Variants in SQLE observed in about 807,000 individuals in gnomAD.
SQLE encodes the protein squalene monooxygenase.
In SQLE, 29 loss-of-function variants were observed where a neutral mutation model predicts 60.7. The observed-to-expected ratio is 0.48, with a 90% CI of 0.36 to 0.65. The LOEUF (loss-of-function observed/expected upper bound fraction) is 0.65, where lower values mean the gene tolerates loss of function less well. Ranked by LOEUF, SQLE falls within the 30% of genes least tolerant of loss-of-function variation. The pLI, the probability that SQLE is intolerant of heterozygous loss-of-function variation, is 0.00. For synonymous variants in SQLE, 237 were observed against 246.8 expected (o/e 0.96, Z 0.37); for missense variants, 605 against 684.1 (o/e 0.88, Z 1.29).
At chr8:125,019,012 A>T (rs1476241918) in intron 9 of SQLE, 6 of 287,744 alleles carry the variant, frequency 2.1e-5, no homozygotes, top group Non-Finnish European at 3.8e-5. Context: ...GTCCTCACAC[A>T]CACAAGACTG....
rs1190686850 is a variant in SQLE at position 124,999,433 on chromosome 8, C to A, written c.30C>A (p.Phe10Leu). The A allele has an allele frequency of 7.2e-6, 11 of 1,524,490 alleles. No homozygotes were observed. The highest frequency in any genetic ancestry group is 9.7e-6 in the Non-Finnish European group (11 of 1,135,324). 94.4% of individuals were successfully genotyped at this position (1,524,490 alleles called of 1,614,324 possible). A position where few individuals can be genotyped will look rare whatever the true frequency, so the allele number is the denominator to read the frequency against. MWTFLGIATFTYFYKKFGDF... is the reference protein window; with the variant it reads MWTFLGIATLTYFYKKFGDF... The stretch of plus-strand genomic sequence containing the variant: ...GGACTTTTCTGGGCATTGCCACTTT[C>A]ACCTATTTTTATAAGAAGTTCGGGG... Residue 10 changes from phenylalanine (F) to leucine (L), a missense_variant, in exon 1 of 11, where the codon TTC becomes TTA. Coordinates refer to ENST00000265896, the MANE Select transcript of SQLE (RefSeq NM_003129.4).
chr8:125,018,518 A>G (rs1005112789), intron 8 of SQLE, 113 bp from the exon 9 acceptor site: 10 of 713,314 alleles, frequency 1.4e-5, no homozygotes, highest in Admixed American at 3.4e-5. Context: ...ACATAAGGCA[A>G]TATTACTTGC....
rs1230464314 is a variant in SQLE, at chr8:125,022,018, T to C, written c.*73T>C. On this transcript the variant is annotated 3_prime_UTR_variant, in exon 11 of 11. Coordinates refer to ENST00000265896, the MANE Select transcript of SQLE (RefSeq NM_003129.4). ...CCTAAGAGACTTTTGGAAGAGGATATATATAGCATAGTACCATACCACTTA... is the reference window on the plus strand; with the variant it reads ...CCTAAGAGACTTTTGGAAGAGGATACATATAGCATAGTACCATACCACTTA... The C allele has an allele frequency of 1.7e-6, 2 of 1,175,532 alleles. No individual in the cohort carries two copies. The highest frequency in any genetic ancestry group is 2.4e-6 in the Non-Finnish European group (2 of 849,834). The allele number at this position is 1,175,532 out of a possible 1,614,324, so 72.8% of individuals were successfully genotyped here.
At position 124,999,805 on chromosome 8, in the gene SQLE, A is replaced by G. The variant is rs1235686533; in HGVS notation, c.291+111A>G. The G allele has an allele frequency of 1.3e-5, 16 of 1,258,174 alleles. No homozygotes were observed. In the East Asian group the frequency reaches 1.5e-4, roughly 12 times the overall value. 77.9% of individuals were successfully genotyped at this position (1,258,174 alleles called of 1,614,324 possible). ...AAAAGGCGGCAGGTTAGATGCTTGT[A>G]TACATTCTCATGTATTTTTTATTTT... On this transcript the variant is annotated intron_variant, in intron 1 of 10. Transcript: ENST00000265896.
Position 124,999,190 on chromosome 8 carries a change from A to T in SQLE, c.-214A>T. On this transcript the variant is annotated 5_prime_UTR_variant, in exon 1 of 11. Transcript: ENST00000265896. Reference sequence around the variant, plus strand: ...AGGCGATTTTTAAATACTGCTTTCTACGCCCTATACAACTTGGCTTCACAT... The same window carrying T: ...AGGCGATTTTTAAATACTGCTTTCTTCGCCCTATACAACTTGGCTTCACAT... 2.4e-6 allele frequency: 1 copy of T among 414,462 alleles called. No individual in the cohort carries two copies. The highest frequency in any genetic ancestry group is 4.1e-6 in the Non-Finnish European group (1 of 241,662). 25.7% of individuals were successfully genotyped at this position (414,462 alleles called of 1,614,324 possible).
chr8:125,006,836 C>G (rs1263536123), intron 3 of SQLE, among the ~76,000 whole-genome samples: 1 of 151,580 alleles, frequency 6.6e-6, no homozygotes, highest in Non-Finnish European at 1.5e-5. Flanking sequence ...TCCCGAGTAG[C>G]TGGGATTACA....
At chr8:125,007,184 TTAA>T (rs1474591186) in intron 3 of SQLE, among the ~76,000 whole-genome samples, 1 of 152,158 alleles carries the variant, frequency 6.6e-6, no homozygotes, top group East Asian at 1.9e-4. Flanking sequence ...TTTAAAATAT[TTAA>T]TGATTACTAA....
At chr8:125,021,554 GT>G (rs1815205440) in intron 10 of SQLE, among the ~76,000 whole-genome samples, 198 bp from the exon 11 acceptor site, 1 of 146,468 alleles carries the variant, frequency 6.8e-6, no homozygotes, top group African/African-American at 2.6e-5. Context: ...GGGGTGGGGG[GT>G]TTGCTCCTGC....
At chr8:125,018,403 T>C (rs558208468) in intron 8 of SQLE, among the ~76,000 whole-genome samples, 2 of 152,324 alleles carry the variant, frequency 1.3e-5, no homozygotes, top group South Asian at 2.1e-4. Context: ...TATGTAACAC[T>C]TGATTGCTAT....
At chr8:125,003,544 T>G (rs1814898452) in intron 2 of SQLE, 116 bp downstream of exon 2, 1 of 1,283,156 alleles carries the variant, frequency 7.8e-7, no homozygotes, top group East Asian at 2.4e-5. Context: ...TAAAATTTTC[T>G]ATACTCATTT....
At chr8:125,002,710 G>C (rs753566584) in intron 1 of SQLE, among the ~76,000 whole-genome samples, 3 of 152,084 alleles carry the variant, frequency 2.0e-5, no homozygotes, top group Non-Finnish European at 4.4e-5. Flanking sequence ...ACAAAAAAAA[G>C]AAAATGTCTA....
At chr8:125,002,441 G>T (rs1814869948) in intron 1 of SQLE, among the ~76,000 whole-genome samples, 2 of 152,220 alleles carry the variant, frequency 1.3e-5, no homozygotes, top group Non-Finnish European at 2.9e-5. Context: ...ACTTTGGGAG[G>T]CTGAGGCAGG....
intron 6 of SQLE, among the ~76,000 whole-genome samples, chr8:125,009,877 T>G (rs1815014007): frequency 1.3e-5 from 2 of 152,228 alleles, no homozygotes; most frequent in Admixed American, 6.5e-5. Context: ...ATATATGGTA[T>G]TTTTAAAGGT....
chr8:125,001,676 A>T (rs928088291), intron 1 of SQLE, among the ~76,000 whole-genome samples: 1 of 142,434 alleles, frequency 7.0e-6, no homozygotes, highest in Admixed American at 7.0e-5. Context: ...GAGAGAAATT[A>T]AAAAAAAAAA....
intron 9 of SQLE, 117 bp downstream of exon 9, chr8:125,018,844 C>A: frequency 1.4e-6 from 1 of 689,768 alleles, no homozygotes; most frequent in East Asian, 3.0e-5. Context: ...TTTGCTAACT[C>A]CCAAGTTGGT....
chr8:125,003,559 A>G (rs1372345961), intron 2 of SQLE, 131 bp downstream of exon 2: 10 of 1,116,468 alleles, frequency 9.0e-6, no homozygotes, highest in Non-Finnish European at 1.3e-5. Flanking sequence ...TCATTTACCA[A>G]CAAATTTGCA....
At chr8:125,021,658 A>T in intron 10 of SQLE, 95 bp from the exon 11 acceptor site, 1 of 849,986 alleles carries the variant, frequency 1.2e-6, no homozygotes, top group Non-Finnish European at 1.7e-6. Flanking sequence ...AAAAAGTAGG[A>T]TGTTTGTTGA....
rs1407449991 is a variant in SQLE at position 125,016,584 on chromosome 8, T to A, written c.1205-1475T>A. ...CTCTGAAAGCTCACATCTCTGTTAC[T>A]CTGGGATTGGTCACTGGTGCCTTAT... On this transcript the variant is annotated intron_variant, in intron 7 of 10. Transcript: ENST00000265896. The surrounding 1 kb of genome is among the most constrained non-coding windows in gnomAD (Gnocchi z 4.1). Among the ~76,000 whole-genome samples, 1 of 152,166 alleles carries A rather than the reference T, an allele frequency of 6.6e-6. No homozygotes were observed. Among genetic ancestry groups the A allele is most frequent in the Non-Finnish European group, 1.5e-5 (1 of 68,030 alleles).
intron 6 of SQLE, among the ~76,000 whole-genome samples, chr8:125,009,593 C>T (rs540490568): frequency 6.6e-6 from 1 of 152,082 alleles, no homozygotes; most frequent in Non-Finnish European, 1.5e-5. Context: ...GTTGGGAGTT[C>T]AAGACCAGCC....
Sources: allele counts gnomAD v4.1 joint callset (sites outside exome capture counted in the v4.1 genomes callset), GRCh38; gene constraint gnomAD v4.1.1; non-coding constraint Gnocchi (gnomAD v3.1); transcripts MANE v1.5; gene names NCBI Gene and HGNC (gene_info 2026-07-23, HGNC 2026-07-21).